CHN2: variants seen among roughly 807,000 people sequenced by gnomAD.
The protein encoded by CHN2 is chimerin 2.
A neutral mutation model predicts 56.3 loss-of-function variants in CHN2; 35 were observed. That is an observed-to-expected ratio of 0.62 (90% confidence interval 0.47 to 0.82). CHN2 has a LOEUF of 0.82. Among genes scored for constraint, CHN2 ranks in the 40% least tolerant of loss-of-function variants. CHN2 has a pLI of 0.00. For missense variants in CHN2, 491 were observed against 580.5 expected (o/e 0.85, Z 1.58); for synonymous variants, 210 against 212.8 (o/e 0.99, Z 0.12).
At chr7:29,397,106 T>A (rs1359656034) in intron 4 of CHN2, 1 of 152,298 alleles carries the variant, frequency 6.6e-6, no homozygotes, top group Non-Finnish European at 1.5e-5. Flanking sequence ...AAAGCCTTTT[T>A]CTTCCAGGCC....
chr7:29,210,902 C>T (rs1784868084), intron 1 of CHN2, among the ~76,000 whole-genome samples: 1 of 152,018 alleles, frequency 6.6e-6, no homozygotes, highest in South Asian at 2.1e-4. Flanking sequence ...GAAACAAGGC[C>T]AGTAGAGTGA....
intron 11 of CHN2, 123 bp from the exon 12 acceptor site, chr7:29,509,178 T>C: frequency 1.4e-6 from 1 of 695,246 alleles, no homozygotes; most frequent in African/African-American, 1.8e-5. Flanking sequence ...AAACAGTGCT[T>C]GGATTGCATG....
At chr7:29,353,021 C>CAA (rs544885330) in intron 1 of CHN2, among the ~76,000 whole-genome samples, 299 of 152,280 alleles carry the variant, frequency 2.0e-3, no homozygotes, top group South Asian at 5.8e-3. Context: ...ATTGATTTAG[C>CAA]AAAACCCAGT....
intron 7 of CHN2, among the ~76,000 whole-genome samples, chr7:29,484,621 A>G (rs906414166): frequency 6.6e-6 from 1 of 152,208 alleles, no homozygotes; most frequent in African/African-American, 2.4e-5. Flanking sequence ...TTTAGGGCCC[A>G]TACTAATCCA....
intron 2 of CHN2, among the ~76,000 whole-genome samples, chr7:29,169,943 C>T (rs1250729949): frequency 6.6e-6 from 1 of 151,868 alleles, no homozygotes; most frequent in Non-Finnish European, 1.5e-5. Context: ...GTGGCGCCAT[C>T]ATAGCTCATT....
chr7:29,382,619 A>G (rs1800602154), intron 3 of CHN2, among the ~76,000 whole-genome samples: 1 of 152,218 alleles, frequency 6.6e-6, no homozygotes, highest in Non-Finnish European at 1.5e-5. Flanking sequence ...AGGTGAAGAA[A>G]CAGGAGCCCT....
intron 3 of CHN2, among the ~76,000 whole-genome samples, chr7:29,387,166 G>A (rs952001770): frequency 5.9e-5 from 9 of 152,178 alleles, no homozygotes; most frequent in Admixed American, 2.6e-4. Context: ...GACTCTGCCT[G>A]GCACAGAGTA....
At chr7:29,263,657 A>C (rs1194365308) in intron 1 of CHN2, among the ~76,000 whole-genome samples, 1 of 147,862 alleles carries the variant, frequency 6.8e-6, no homozygotes, top group Non-Finnish European at 1.5e-5. Flanking sequence ...ATGGGAAGTG[A>C]GGAGCGCCTC....
chr7:29,157,403 A>G (rs980414476), intron 2 of CHN2, among the ~76,000 whole-genome samples: 1 of 151,932 alleles, frequency 6.6e-6, no homozygotes, highest in East Asian at 1.9e-4. Flanking sequence ...TTATTCCTCT[A>G]TATTTAGAAC....
intron 2 of CHN2, chr7:29,184,629 T>G (rs1798484001): frequency 6.6e-6 from 1 of 152,186 alleles, no homozygotes; most frequent in East Asian, 1.9e-4. Context: ...GGGTCAGCCT[T>G]TCTGTTTTCT....
At chr7:29,171,612 G>A (rs1248449279) in intron 2 of CHN2, among the ~76,000 whole-genome samples, 2 of 152,078 alleles carry the variant, frequency 1.3e-5, no homozygotes, top group African/African-American at 2.4e-5. Flanking sequence ...TACCTTAAGG[G>A]GCACTATTAA....
At chr7:29,461,451 A>G (rs1785157355) in intron 6 of CHN2, among the ~76,000 whole-genome samples, 1 of 152,244 alleles carries the variant, frequency 6.6e-6, no homozygotes, top group Admixed American at 6.5e-5. Flanking sequence ...CTGGGATTTT[A>G]TACACATACA....
intron 3 of CHN2, among the ~76,000 whole-genome samples, chr7:29,368,501 A>C (rs1287738901): frequency 6.6e-6 from 1 of 152,186 alleles, no homozygotes; most frequent in Non-Finnish European, 1.5e-5. Flanking sequence ...ATTGTGTGGG[A>C]TGCCAGCAAG....
chr7:29,399,233 G>A (rs1280627852), intron 5 of CHN2, among the ~76,000 whole-genome samples: 1 of 152,156 alleles, frequency 6.6e-6, no homozygotes, highest in Admixed American at 6.5e-5. Context: ...CTAGCTGGCC[G>A]AGGCTGCAGC....
At chr7:29,467,551 A>G (rs1562630293) in intron 6 of CHN2, among the ~76,000 whole-genome samples, 1 of 152,332 alleles carries the variant, frequency 6.6e-6, no homozygotes, top group South Asian at 2.1e-4. Context: ...GCATTTATCC[A>G]TAAACCTTTG....
At chr7:29,334,732 G>A (rs1460485560) in intron 1 of CHN2, among the ~76,000 whole-genome samples, 1 of 152,046 alleles carries the variant, frequency 6.6e-6, no homozygotes, top group Non-Finnish European at 1.5e-5. Flanking sequence ...CTCCAGCCTG[G>A]GCGACAGAGC....
In CHN2 at chr7:29,293,857, A is replaced by ATTTTTTT. The variant is rs70980522; in HGVS notation, c.50-60747_50-60741dup. Among the ~76,000 whole-genome samples, 34 of 78,520 alleles carry ATTTTTTT rather than the reference A, an allele frequency of 4.3e-4. 6 individuals carry two copies. The highest frequency in any genetic ancestry group is 1.5e-3 in the African/African-American group (30 of 19,902). 51.5% of individuals were successfully genotyped at this position (78,520 alleles called of 152,430 possible). ...GCATATAAGCTCCACGAGGCTGGGA[A>ATTTTTTT]TTTTTTTTTTTTTTTTTTTTTTTTT... On this transcript the variant is annotated intron_variant, in intron 1 of 12. Coordinates refer to ENST00000222792, the MANE Select transcript of CHN2 (RefSeq NM_004067.4).
chr7:29,197,243 C>T (rs915892049), intron 1 of CHN2, among the ~76,000 whole-genome samples: 1 of 152,150 alleles, frequency 6.6e-6, no homozygotes, highest in Non-Finnish European at 1.5e-5. Flanking sequence ...ATGTGCCAGG[C>T]AGTAAGTTAT....
At position 29,155,945 on chromosome 7, in the gene CHN2, C is replaced by T. The variant is rs565941492; in HGVS notation, c.274+8985C>T. Among the ~76,000 whole-genome samples the T allele has an allele frequency of 5.3e-5, 8 of 152,308 alleles. No individual in the cohort carries two copies. The South Asian group carries it at 6.2e-4, about 12-fold the overall frequency. The stretch of plus-strand genomic sequence containing the variant: ...GAGCCGATAGATCTAGAGACGGCCA[C>T]GTGCTCTTGCACAGCCTAGCCAGCT... On this transcript the variant is annotated intron_variant, in intron 2 of 6. Transcript: ENST00000439384.
Sources: allele counts gnomAD v4.1 joint callset (sites outside exome capture counted in the v4.1 genomes callset), GRCh38; gene constraint gnomAD v4.1.1; transcripts MANE v1.5; gene names NCBI Gene and HGNC (gene_info 2026-07-23, HGNC 2026-07-21).